Variants in EYS observed in about 807,000 individuals in gnomAD.
EYS encodes the protein protein eyes shut homolog.
A neutral mutation model predicts 282.1 loss-of-function variants in EYS; 250 were observed. The ratio of observed to expected loss-of-function variants is 0.89; its 90% CI spans 0.80 to 0.98. The LOEUF is 0.98. EYS is among the 50% of genes least tolerant of loss of function. The probability of loss-of-function intolerance (pLI) is 0.00; values close to 1 mark genes in which losing one functional copy is unlikely to be tolerated. For synonymous variants in EYS, 1,355 were observed against 1,282.9 expected (o/e 1.06, Z -1.20); for missense variants, 4,016 against 3,709.0 (o/e 1.08, Z -2.15).
chr6:65,472,109 AAGGG>A (rs1435485965), intron 5 of EYS, among the ~76,000 whole-genome samples: 1 of 152,120 alleles, frequency 6.6e-6, no homozygotes, highest in Non-Finnish European at 1.5e-5. Context: ...ATGCACTTTG[AAGGG>A]GATCATGTGA....
intron 31 of EYS, among the ~76,000 whole-genome samples, chr6:64,125,186 CTCTCTCAA>C (rs1773732663): frequency 6.6e-6 from 1 of 151,944 alleles, no homozygotes; most frequent in African/African-American, 2.4e-5. Flanking sequence ...CGCTCTCTCT[CTCTCTCAA>C]GGAGTAATGA....
chr6:64,081,912 G>C lies in EYS; in HGVS notation c.6515C>G (p.Thr2172Ser). 6.5e-7 allele frequency: 1 copy of C among 1,541,642 alleles called. No individual in the cohort carries two copies. Among genetic ancestry groups the C allele is most frequent in the Admixed American group, 2.0e-5 (1 of 50,884 alleles). ...TTTTATAGTCAAGTAGATGGTAACA[G>C]TTCTGTTATGTTCCTTCTCCAGGAC... ...KFVLEKEHNRTVTIYLTIKTN... is the reference protein window; with the variant it reads ...KFVLEKEHNRSVTIYLTIKTN... The change falls in exon 32 of 43, where the codon ACT becomes AGT. Residue 2172 changes from threonine to serine, a missense_variant. By Grantham distance (58) the Thr-to-Ser change is moderately conservative. Coordinates refer to ENST00000503581, the MANE Select transcript of EYS (RefSeq NM_001142800.2).
At chr6:64,527,301 G>C (rs1383352767) in intron 26 of EYS, among the ~76,000 whole-genome samples, 6 of 151,778 alleles carry the variant, frequency 4.0e-5, no homozygotes, top group Non-Finnish European at 8.9e-5. Flanking sequence ...TAGAAAAATG[G>C]AAATGAGTAA....
chr6:63,843,856 CTTTTA>C (rs1343809497), intron 36 of EYS, among the ~76,000 whole-genome samples: 2 of 152,120 alleles, frequency 1.3e-5, no homozygotes, highest in African/African-American at 2.4e-5. Context: ...ACCTCTTCAC[CTTTTA>C]TTTTAAGTTC....
chr6:65,254,095 C>T (rs1256183736), intron 12 of EYS, among the ~76,000 whole-genome samples: 2 of 151,702 alleles, frequency 1.3e-5, no homozygotes, highest in Admixed American at 6.6e-5. Flanking sequence ...AAACATATGC[C>T]GAGATAACAT....
At chr6:64,750,401 C>T (rs1772705330) in intron 22 of EYS, among the ~76,000 whole-genome samples, 1 of 126,966 alleles carries the variant, frequency 7.9e-6, no homozygotes, top group Non-Finnish European at 1.6e-5. Flanking sequence ...AGTAATTTTA[C>T]AGCAAATAAG....
intron 2 of EYS, among the ~76,000 whole-genome samples, chr6:65,503,611 G>C (rs910379178): frequency 1.3e-5 from 2 of 151,514 alleles, no homozygotes; most frequent in South Asian, 4.2e-4. Context: ...AATTCATTTT[G>C]ATCAAATTTT....
At chr6:64,920,691 C>T (rs1417126258) in intron 15 of EYS, among the ~76,000 whole-genome samples, 1 of 152,024 alleles carries the variant, frequency 6.6e-6, no homozygotes, top group Non-Finnish European at 1.5e-5. Context: ...TCAAATTATA[C>T]TTGAAAATGC....
At position 64,591,786 on chromosome 6, in the gene EYS, T is replaced by G; in HGVS notation, c.4081A>C (p.Ile1361Leu). Reference sequence around the variant, plus strand: ...GATACCGATGTTTTGTCCTGGACAATTTGTGCTGGGTCACGAATACCAAAA... The same window carrying G: ...GATACCGATGTTTTGTCCTGGACAAGTTGTGCTGGGTCACGAATACCAAAA... ...LNFGIRDPAQIVQDKTSVSHM... is the reference protein window; with the variant it reads ...LNFGIRDPAQLVQDKTSVSHM... Residue 1361 changes from isoleucine to leucine, a missense_variant, in exon 26 of 43, where the codon ATT (isoleucine) becomes CTT (leucine). Transcript: ENST00000503581. 6.4e-7 allele frequency: 1 copy of G among 1,551,176 alleles called. No homozygotes were observed. The highest frequency in any genetic ancestry group is 8.7e-7 in the Non-Finnish European group (1 of 1,146,672).
At chr6:63,889,997 A>G (rs1227444276) in intron 35 of EYS, among the ~76,000 whole-genome samples, 1 of 152,226 alleles carries the variant, frequency 6.6e-6, no homozygotes, top group Admixed American at 6.5e-5. Context: ...CTTTAAACCA[A>G]CAAAGATCAA....
At chr6:64,814,202 G>A (rs1282045955) in intron 21 of EYS, among the ~76,000 whole-genome samples, 1 of 152,034 alleles carries the variant, frequency 6.6e-6, no homozygotes, top group Non-Finnish European at 1.5e-5. Flanking sequence ...AAGTGCAAAT[G>A]TCTTGTAGAG....
intron 26 of EYS, among the ~76,000 whole-genome samples, chr6:64,516,637 C>G (rs1414251181): frequency 2.6e-5 from 4 of 151,660 alleles, no homozygotes; most frequent in Non-Finnish European, 5.9e-5. Flanking sequence ...AGTCCTAAAC[C>G]CTTTTCTCTG....
intron 22 of EYS, among the ~76,000 whole-genome samples, chr6:64,705,700 C>T (rs1300523850): frequency 2.0e-5 from 3 of 151,258 alleles, no homozygotes; most frequent in Non-Finnish European, 4.4e-5. Flanking sequence ...AATTGGAAAT[C>T]GTCATTCTCA....
At chr6:64,262,624 T>G (rs186998147) in intron 30 of EYS, among the ~76,000 whole-genome samples, 1 of 152,184 alleles carries the variant, frequency 6.6e-6, no homozygotes, top group African/African-American at 2.4e-5. Flanking sequence ...AGCTTCCTTT[T>G]TGCTTTGCTG....
At chr6:65,092,676 C>A (rs943107730) in intron 12 of EYS, among the ~76,000 whole-genome samples, 2 of 152,138 alleles carry the variant, frequency 1.3e-5, no homozygotes, top group African/African-American at 4.8e-5. Context: ...TTATCCTGCA[C>A]ATTTTGTGTT....
rs532261730 is a variant in EYS, at chr6:63,989,748, T to A, written c.6835-5145A>T. 9.2e-5 allele frequency among the ~76,000 whole-genome samples: 14 copies of A among 151,680 alleles called. 1 individual carries two copies. The South Asian group carries it at 2.9e-3, about 31-fold the overall frequency. On this transcript the variant is annotated intron_variant, in intron 34 of 42. Transcript: ENST00000503581. ...GTGTTATGCTGCCTTAGAATCTCGA[T>A]ATTTTGCTAGATTCAGCACATGGGA... is the stretch of plus-strand genomic sequence containing the variant.
At chr6:64,735,773 A>G (rs1448327109) in intron 22 of EYS, among the ~76,000 whole-genome samples, 1 of 152,124 alleles carries the variant, frequency 6.6e-6, no homozygotes, top group Non-Finnish European at 1.5e-5. Flanking sequence ...TTGGCTATTG[A>G]TGAAGTTGTT....
At chr6:65,650,431 T>G (rs1020580536) in intron 1 of EYS, among the ~76,000 whole-genome samples, 5 of 152,160 alleles carry the variant, frequency 3.3e-5, no homozygotes, top group African/African-American at 1.2e-4. Flanking sequence ...TGTAACACAG[T>G]AGCCATATAT....
At chr6:64,861,268 T>A (rs1220983998) in intron 19 of EYS, among the ~76,000 whole-genome samples, 1 of 152,184 alleles carries the variant, frequency 6.6e-6, no homozygotes, top group Non-Finnish European at 1.5e-5. Flanking sequence ...GACTGGCATG[T>A]CAGTGCTCCC....
Sources: allele counts gnomAD v4.1 joint callset (sites outside exome capture counted in the v4.1 genomes callset), GRCh38; gene constraint gnomAD v4.1.1; transcripts MANE v1.5; gene names NCBI Gene and HGNC (gene_info 2026-07-23, HGNC 2026-07-21).